Variants in MAML2 observed in about 807,000 individuals in gnomAD.
The protein encoded by MAML2 is mastermind like transcriptional coactivator 2.
In MAML2, 22 loss-of-function variants were observed where a neutral mutation model predicts 96.1. The observed-to-expected ratio is 0.23, with a 90% CI of 0.16 to 0.33. The LOEUF is 0.33. MAML2 is among the 10% of genes least tolerant of loss of function. The pLI, the probability that MAML2 is intolerant of heterozygous loss-of-function variation, is 1.00. For missense variants in MAML2, 1,367 were observed against 1,392.4 expected (o/e 0.98, Z 0.29); for synonymous variants, 561 against 521.3 (o/e 1.08, Z -1.04).
chr11:96,014,913 T>C (rs922788257), intron 2 of MAML2, among the ~76,000 whole-genome samples: 4 of 152,178 alleles, frequency 2.6e-5, no homozygotes, highest in East Asian at 3.8e-4. Flanking sequence ...ATAACTATAA[T>C]AGCTATCATG....
chr11:96,256,121 G>T (rs1293168155), intron 1 of MAML2, among the ~76,000 whole-genome samples: 2 of 151,906 alleles, frequency 1.3e-5, no homozygotes, highest in South Asian at 2.1e-4. Flanking sequence ...TGATCCACCC[G>T]CCTCGGCCTC....
chr11:96,078,994 C>A (rs1351853823), intron 2 of MAML2, among the ~76,000 whole-genome samples: 4 of 152,162 alleles, frequency 2.6e-5, no homozygotes, highest in Non-Finnish European at 5.9e-5. Flanking sequence ...GAATTTTCCA[C>A]CTGTAATTCT....
intron 4 of MAML2, among the ~76,000 whole-genome samples, chr11:95,980,927 G>A (rs1857726531): frequency 6.6e-6 from 1 of 152,146 alleles, no homozygotes; most frequent in South Asian, 2.1e-4. Flanking sequence ...CTGGACTGCT[G>A]GTCCTGGATG....
chr11:96,027,812 G>T (rs1335465011), intron 2 of MAML2, among the ~76,000 whole-genome samples: 2 of 152,086 alleles, frequency 1.3e-5, no homozygotes, highest in East Asian at 3.9e-4. Context: ...GCTTACTGTA[G>T]CCTCAACCTC....
intron 1 of MAML2, among the ~76,000 whole-genome samples, chr11:96,112,494 C>A (rs138184646): frequency 3.4e-4 from 52 of 152,342 alleles, no homozygotes; most frequent in Non-Finnish European, 4.6e-4. Flanking sequence ...ATGCCTGAGC[C>A]GCTGGGTATG....
intron 1 of MAML2, among the ~76,000 whole-genome samples, chr11:96,271,750 G>A (rs1487583675): frequency 6.6e-6 from 1 of 152,056 alleles, no homozygotes; most frequent in Admixed American, 6.5e-5. Context: ...CCAGCCTCAG[G>A]TATGTCTTTA....
intron 1 of MAML2, among the ~76,000 whole-genome samples, chr11:96,174,465 C>A (rs1297102339): frequency 1.3e-5 from 2 of 152,218 alleles, no homozygotes; most frequent in Non-Finnish European, 2.9e-5. Flanking sequence ...GTCACTGCAA[C>A]CTCTGCCTCC....
chr11:96,153,164 T>G (rs1227674063), intron 1 of MAML2, among the ~76,000 whole-genome samples: 1 of 151,054 alleles, frequency 6.6e-6, no homozygotes, highest in African/African-American at 2.4e-5. Context: ...TTTTAGAATT[T>G]TTTTTTTTTT....
At chr11:96,085,030 C>T (rs900094693) in intron 2 of MAML2, among the ~76,000 whole-genome samples, 1 of 152,138 alleles carries the variant, frequency 6.6e-6, no homozygotes. Flanking sequence ...CAGTCATTGG[C>T]TTCCCTCTAT....
intron 1 of MAML2, among the ~76,000 whole-genome samples, chr11:96,318,357 G>A (rs534442772): frequency 2.6e-5 from 4 of 152,102 alleles, no homozygotes; most frequent in African/African-American, 7.2e-5. Flanking sequence ...CGATATGATC[G>A]GACCCCAAAC....
intron 2 of MAML2, among the ~76,000 whole-genome samples, chr11:95,994,371 G>A (rs1053603259): frequency 1.3e-5 from 2 of 152,052 alleles, no homozygotes; most frequent in Admixed American, 6.6e-5. Context: ...CATGAATTTC[G>A]GAGACTTCAC....
intron 1 of MAML2, among the ~76,000 whole-genome samples, chr11:96,293,002 T>C (rs116054435): frequency 3.0e-4 from 46 of 152,330 alleles, no homozygotes; most frequent in African/African-American, 1.1e-3. Context: ...ATTTGATGTC[T>C]TCAAATAGTA....
intron 1 of MAML2, among the ~76,000 whole-genome samples, chr11:96,269,105 T>C (rs1014406007): frequency 2.8e-5 from 4 of 145,220 alleles, no homozygotes; most frequent in African/African-American, 1.1e-4. Context: ...TGGTTATTTT[T>C]ATTGGAACTG....
Position 95,977,041 on chromosome 11 carries a change from G to A in MAML2, c.*1907C>T, listed in dbSNP as rs1857661396. On this transcript the variant is annotated 3_prime_UTR_variant, in exon 5 of 5. Transcript: ENST00000524717. ...AAACCTGGAATGCTTTCTTATTGAG[G>A]TTTCAGAATATAAATTTGTCTAACA... 5.0e-6 allele frequency: 1 copy of A among 201,758 alleles called. No individual in the cohort carries two copies. The highest frequency in any genetic ancestry group is 1.0e-5 in the Non-Finnish European group (1 of 97,978). The allele number at this position is 201,758 out of a possible 1,614,324, so 12.5% of individuals were successfully genotyped here. A position where few individuals can be genotyped will look rare whatever the true frequency, so the allele number is the denominator to read the frequency against.
At chr11:95,983,203 T>C (rs908792644) in intron 4 of MAML2, among the ~76,000 whole-genome samples, 14 of 152,210 alleles carry the variant, frequency 9.2e-5, no homozygotes, top group Non-Finnish European at 1.3e-4. Context: ...GTGATATTGA[T>C]GATCCTGACC....
rs1201149369 is a variant in MAML2 at position 95,979,577 on chromosome 11, G to A, written c.2842C>T (p.Pro948Ser). The A allele has an allele frequency of 3.7e-6, 6 of 1,613,940 alleles. No homozygotes were observed. The highest frequency in any genetic ancestry group is 1.1e-5 in the South Asian group (1 of 91,072). Residue 948 changes from proline (P) to serine (S), a missense_variant, in exon 5 of 5, where the codon CCA becomes TCA. Pro to Ser is a moderately conservative substitution (Grantham distance 74, BLOSUM62 -1). Transcript: ENST00000524717. Reference protein sequence around the residue: ...PNLTHSMASMPPQRTSNVMIT... With the variant: ...PNLTHSMASMSPQRTSNVMIT... Reference sequence around the variant, plus strand: ...ATTACGTTTGATGTTCTCTGTGGTGGCATGCTTGCCATACTATGGGTTAAA... The same window carrying A: ...ATTACGTTTGATGTTCTCTGTGGTGACATGCTTGCCATACTATGGGTTAAA...
At chr11:96,085,168 ATG>A (rs36001457) in intron 2 of MAML2, among the ~76,000 whole-genome samples, 72,585 of 150,372 alleles carry the variant, frequency 0.48, 18,133 homozygotes, top group Middle Eastern at 0.62. Flanking sequence ...GGCTATGCGT[ATG>A]TGTGTGTGTG....
chr11:96,261,365 CT>C (rs1314757625), intron 1 of MAML2, among the ~76,000 whole-genome samples: 1 of 152,036 alleles, frequency 6.6e-6, no homozygotes, highest in East Asian at 1.9e-4. Flanking sequence ...AAATAAATTC[CT>C]TTTCTTTATA....
chr11:96,296,172 A>T (rs1281923551), intron 1 of MAML2, among the ~76,000 whole-genome samples: 1 of 152,136 alleles, frequency 6.6e-6, no homozygotes, highest in Non-Finnish European at 1.5e-5. Flanking sequence ...AGTAGCAGGG[A>T]CTACAGGCAC....
Sources: gnomAD v4.1 joint callset for allele counts (sites outside exome capture counted in the v4.1 genomes callset) on GRCh38, gnomAD v4.1.1 for gene constraint, MANE v1.5 for transcripts, NCBI Gene and HGNC (gene_info 2026-07-23, HGNC 2026-07-21) for gene names.